Variants in PNN observed in about 807,000 individuals in gnomAD.
The protein encoded by PNN is pinin.
Under a neutral mutation model 76.6 loss-of-function variants are expected in PNN, and 38 were observed. That is an observed-to-expected ratio of 0.50 (90% CI 0.38 to 0.65). The LOEUF is 0.65. Ranked by LOEUF, PNN falls within the 30% of genes least tolerant of loss-of-function variation. PNN has a pLI of 0.00. For synonymous variants in PNN, 366 were observed against 283.7 expected (o/e 1.29, Z -2.91); for missense variants, 873 against 874.1 (o/e 1.00, Z 0.02).
Position 39,175,362 on chromosome 14 carries a change from A to G in PNN, c.83A>G (p.Lys28Arg). 6.2e-7 allele frequency: 1 copy of G among 1,612,200 alleles called. No homozygotes were observed. Among genetic ancestry groups the G allele is most frequent in the Non-Finnish European group, 8.5e-7 (1 of 1,178,594 alleles). The change falls in exon 1 of 9, where the codon AAG becomes AGG. Residue 28 changes from lysine to arginine, a missense_variant. Physicochemically the swap from Lys to Arg is conservative, Grantham distance 26 (BLOSUM62 2). Around this residue, in one of 3 missense-constraint regions of PNN, gnomAD observed 156 missense variants for 161.7 expected, o/e 0.96. Coordinates refer to ENST00000216832, the MANE Select transcript of PNN (RefSeq NM_002687.4). ...AAGAACGTGGATGAGAACATTCGCA[A>G]GCTCACCGGGCGGGATCCGAATGAC... Reference protein sequence around the residue: ...SLKNVDENIRKLTGRDPNDVR... With the variant: ...SLKNVDENIRRLTGRDPNDVR...
rs1156948980 is a variant in PNN at position 39,175,996 on chromosome 14, A to G, written c.114-82A>G. 3 of 746,856 alleles carry G rather than the reference A, an allele frequency of 4.0e-6. No individual in the cohort carries two copies. In the Middle Eastern group the frequency reaches 7.0e-4, roughly 175 times the overall value. The allele number at this position is 746,856 out of a possible 1,614,324, so 46.3% of individuals were successfully genotyped here. On this transcript the variant is annotated intron_variant, in intron 1 of 8. Transcript: ENST00000216832. Reference sequence around the variant, plus strand: ...GGAACTTTTGTGATTTTTTCTCCTTATGATCCACATCTCTGAAAGTATTTG... The same window carrying G: ...GGAACTTTTGTGATTTTTTCTCCTTGTGATCCACATCTCTGAAAGTATTTG...
In PNN at chr14:39,181,299, T is replaced by G. The variant is rs1401078846; in HGVS notation, c.1590T>G (p.Phe530Leu). 1 of 1,614,170 alleles carries G rather than the reference T, an allele frequency of 6.2e-7. No homozygotes were observed. The highest frequency in any genetic ancestry group is 1.1e-5 in the South Asian group (1 of 91,078). ...ATTTACTACCTGAGAGGAAGGATTT[T>G]CCTGTAGAGTCTGTAAAACTCACTG... ...QGHLLPERKD[F>L]PVESVKLTEV... Residue 530 changes from phenylalanine (F) to leucine (L), a missense_variant, in exon 9 of 9, where the codon TTT (phenylalanine) becomes TTG (leucine). Phe to Leu is a conservative substitution (Grantham distance 22). Transcript: ENST00000216832.
intron 3 of PNN, among the ~76,000 whole-genome samples, 168 bp downstream of exon 3, chr14:39,176,763 G>C (rs770668288): frequency 6.6e-6 from 1 of 152,076 alleles, no homozygotes; most frequent in African/African-American, 2.4e-5. Flanking sequence ...TTGACTATCA[G>C]TTCCCTCAAA....
chr14:39,177,304 T>G, intron 3 of PNN, 108 bp from the exon 4 acceptor site: 1 of 814,162 alleles, frequency 1.2e-6, no homozygotes, highest in Non-Finnish European at 2.0e-6. Flanking sequence ...GAGGATCACT[T>G]GAGCCTGGGA....
At position 39,177,634 on chromosome 14, in the gene PNN, C is replaced by T. The variant is rs781295686; in HGVS notation, c.369C>T (p.Arg123=). The T allele has an allele frequency of 6.2e-7, 1 of 1,613,824 alleles. No homozygotes were observed. Among genetic ancestry groups the T allele is most frequent in the Non-Finnish European group, 8.5e-7 (1 of 1,179,746 alleles). The change falls in exon 5 of 9, where the codon CGC becomes CGT. Residue 123 remains arginine, a synonymous_variant. Coordinates refer to ENST00000216832, the MANE Select transcript of PNN (RefSeq NM_002687.4). The stretch of plus-strand genomic sequence containing the variant: ...CAGTTGTAGCTACCTCCAAAGAGCG[C>T]ACACGTAGAGACCTTATCCAGGATC... ...QSSVVATSKE[R]TRRDLIQDQN... is the part of the protein sequence containing the mutation.
rs1566559703 is a variant in PNN, at chr14:39,181,583, C to G, written c.1874C>G (p.Thr625Ser). The G allele has an allele frequency of 6.2e-7, 1 of 1,613,206 alleles. No individual in the cohort carries two copies. Among genetic ancestry groups the G allele is most frequent in the South Asian group, 1.1e-5 (1 of 91,070 alleles). ...GSSSRDSSSS[T>S]SSSSESRSRS... is the part of the protein sequence containing the mutation. ...AGCAGCAGAGATAGTAGCAGTAGCACTAGTAGTAGTAGTGAGAGTAGAAGT... is the reference window on the plus strand; with the variant it reads ...AGCAGCAGAGATAGTAGCAGTAGCAGTAGTAGTAGTAGTGAGAGTAGAAGT... Residue 625 changes from threonine (T) to serine (S), a missense_variant, in exon 9 of 9, where the codon ACT (threonine) becomes AGT (serine). Coordinates refer to ENST00000216832, the MANE Select transcript of PNN (RefSeq NM_002687.4).
At chr14:39,176,417 G>C (rs183414573) in intron 2 of PNN, 110 bp from the exon 3 acceptor site, 17 of 814,972 alleles carry the variant, frequency 2.1e-5, no homozygotes, top group Non-Finnish European at 3.1e-5. Flanking sequence ...CCCGTTTAAG[G>C]CTACTTTAGT....
intron 6 of PNN, 168 bp from the exon 7 acceptor site, chr14:39,178,923 T>A: frequency 6.7e-6 from 4 of 600,750 alleles, no homozygotes; most frequent in Non-Finnish European, 1.1e-5. Context: ...GTGTTTTTAG[T>A]AGAGATGGTG....
Position 39,181,287 on chromosome 14 carries a change from G to A in PNN, c.1578G>A (p.Glu526=), listed in dbSNP as rs774208638. ...VTQEQGHLLP[E]RKDFPVESVK... is the part of the protein sequence containing the mutation. ...AGGAGCAAGGGCATTTACTACCTGAGAGGAAGGATTTTCCTGTAGAGTCTG... is the reference window on the plus strand; with the variant it reads ...AGGAGCAAGGGCATTTACTACCTGAAAGGAAGGATTTTCCTGTAGAGTCTG... Residue 526 remains glutamate, a synonymous_variant, in exon 9 of 9, where the codon GAG becomes GAA. Transcript: ENST00000216832. 1 of 1,614,128 alleles carries A rather than the reference G, an allele frequency of 6.2e-7. No individual in the cohort carries two copies. Among genetic ancestry groups the A allele is most frequent in the Non-Finnish European group, 8.5e-7 (1 of 1,179,986 alleles).
Position 39,181,606 on chromosome 14 carries a change from A to C in PNN, c.1897A>C (p.Ser633Arg). The change falls in exon 9 of 9, where the codon AGT (serine) becomes CGT (arginine). Residue 633 changes from serine to arginine, a missense_variant. Physicochemically the swap from Ser to Arg is moderately radical, Grantham distance 110. Around this residue, in one of 3 missense-constraint regions of PNN, gnomAD observed 712 missense variants for 693.1 expected, o/e 1.03. Coordinates refer to ENST00000216832, the MANE Select transcript of PNN (RefSeq NM_002687.4). ...SSTSSSSESR[S>R]RSRGRGHNRD... The stretch of plus-strand genomic sequence containing the variant: ...CACTAGTAGTAGTAGTGAGAGTAGA[A>C]GTCGGAGTAGGGGCCGGGGACATAA... 6.2e-7 allele frequency: 1 copy of C among 1,614,094 alleles called. No individual in the cohort carries two copies. Among genetic ancestry groups the C allele is most frequent in the South Asian group, 1.1e-5 (1 of 91,074 alleles).
At position 39,181,437 on chromosome 14, in the gene PNN, AAGCAGT is replaced by A; in HGVS notation, c.1741_1746del (p.Ser586_Ser587del). 3.1e-6 allele frequency: 5 copies of A among 1,613,982 alleles called. No homozygotes were observed. Among genetic ancestry groups the A allele is most frequent in the South Asian group, 1.1e-5 (1 of 91,072 alleles). ...ATAAAACAAGCAAGAGTAGAAGTCG[AAGCAGT>A]AGCAGTAGCAGTTCTAGTAGCAGTT... On this transcript the variant is annotated inframe_deletion, in exon 9 of 9. Transcript: ENST00000216832.
chr14:39,176,214 G>GTTCAAACC, intron 2 of PNN, 65 bp downstream of exon 2: 1 of 925,812 alleles, frequency 1.1e-6, no homozygotes, highest in Non-Finnish European at 1.8e-6. Context: ...ATGTTGGTTT[G>GTTCAAACC]AACAAAACCT....
In PNN at chr14:39,181,029, A is replaced by T. The variant is rs760362670; in HGVS notation, c.1320A>T (p.Lys440Asn). 1.9e-5 allele frequency: 31 copies of T among 1,612,570 alleles called. No individual in the cohort carries two copies. The highest frequency in any genetic ancestry group is 8.5e-7 in the Non-Finnish European group (1 of 1,179,134). ...EFEIEPDKEC[K>N]TLSPGKENVS... ...AAATTGAGCCAGATAAAGAATGTAAAACCCTTTCTCCTGGGAAAGAGAATG... is the reference window on the plus strand; with the variant it reads ...AAATTGAGCCAGATAAAGAATGTAATACCCTTTCTCCTGGGAAAGAGAATG... Residue 440 changes from lysine to asparagine, a missense_variant, in exon 9 of 9, where the codon AAA becomes AAT. Physicochemically the swap from Lys to Asn is moderately conservative, Grantham distance 94. This residue lies in a region of PNN where 712 missense variants were observed against 693.1 expected (regional missense o/e 1.03). Coordinates refer to ENST00000216832, the MANE Select transcript of PNN (RefSeq NM_002687.4).
Position 39,180,793 on chromosome 14 carries a change from A to G in PNN, c.1084A>G (p.Met362Val), listed in dbSNP as rs754649326. The G allele has an allele frequency of 2.5e-6, 4 of 1,611,908 alleles. No individual in the cohort carries two copies. Among genetic ancestry groups the G allele is most frequent in the South Asian group, 1.1e-5 (1 of 90,810 alleles). The change falls in exon 9 of 9, where the codon ATG becomes GTG. Residue 362 changes from methionine to valine, a missense_variant. By Grantham distance (21) the Met-to-Val change is conservative (BLOSUM62 1). This residue lies in a region of PNN where 712 missense variants were observed against 693.1 expected (regional missense o/e 1.03). Transcript: ENST00000216832. ...EQEEEEQKQE[M>V]EVKMEEETEV... is the part of the protein sequence containing the mutation. The stretch of plus-strand genomic sequence containing the variant: ...GGAGGAGGAAGAACAAAAACAGGAA[A>G]TGGAGGTTAAGATGGAGGAGGAAAC...
rs1479184055 is a variant in PNN at position 39,176,368 on chromosome 14, C to A, written c.186-159C>A. On this transcript the variant is annotated intron_variant, in intron 2 of 8. Transcript: ENST00000216832. Reference sequence around the variant, plus strand: ...TTACCAATTTTGAGTGAACTTAATTCTTATAAAGTAACACTATAAAAGCAT... The same window carrying A: ...TTACCAATTTTGAGTGAACTTAATTATTATAAAGTAACACTATAAAAGCAT... 15 of 648,776 alleles carry A rather than the reference C, an allele frequency of 2.3e-5. No homozygotes were observed. In the East Asian group the frequency reaches 3.9e-4, roughly 17 times the overall value. The allele number at this position is 648,776 out of a possible 1,614,324, so 40.2% of individuals were successfully genotyped here. A position where few individuals can be genotyped will look rare whatever the true frequency, so the allele number is the denominator to read the frequency against.
chr14:39,176,642 AC>A, intron 3 of PNN, 47 bp downstream of exon 3: 1 of 1,085,650 alleles, frequency 9.2e-7, no homozygotes, highest in Non-Finnish European at 1.4e-6. Context: ...TTTCTGAGGT[AC>A]CACACAAATA....
At position 39,181,670 on chromosome 14, in the gene PNN, G is replaced by C; in HGVS notation, c.1961G>C (p.Arg654Thr). Residue 654 changes from arginine (R) to threonine (T), a missense_variant, in exon 9 of 9, where the codon AGA becomes ACA. This residue lies in a region of PNN where 712 missense variants were observed against 693.1 expected (regional missense o/e 1.03). Coordinates refer to ENST00000216832, the MANE Select transcript of PNN (RefSeq NM_002687.4). ...CACAGAAGGAGCGTGGATCGGAAGAGAAGGGATACTTCAGGACTAGAAAGA... is the reference window on the plus strand; with the variant it reads ...CACAGAAGGAGCGTGGATCGGAAGACAAGGGATACTTCAGGACTAGAAAGA... ...RKHRRSVDRK[R>T]RDTSGLERSH... 2.5e-6 allele frequency: 4 copies of C among 1,614,094 alleles called. No homozygotes were observed. The highest frequency in any genetic ancestry group is 1.3e-5 in the African/African-American group (1 of 75,056).
intron 4 of PNN, 25 bp downstream of exon 4, chr14:39,177,509 T>C: frequency 6.2e-7 from 1 of 1,604,356 alleles, no homozygotes; most frequent in Non-Finnish European, 8.5e-7. Flanking sequence ...AGAACTTAAA[T>C]GAATGTAGTA....
intron 3 of PNN, among the ~76,000 whole-genome samples, chr14:39,176,971 G>T (rs1276379445): frequency 1.3e-5 from 2 of 152,202 alleles, no homozygotes; most frequent in Non-Finnish European, 2.9e-5. Context: ...TCCTTTCTCT[G>T]CTGGAGGAAA....
Sources: allele counts gnomAD v4.1 joint callset (sites outside exome capture counted in the v4.1 genomes callset), GRCh38; gene constraint gnomAD v4.1.1; regional missense constraint gnomAD v4.1.1; transcripts MANE v1.5; gene names NCBI Gene and HGNC (gene_info 2026-07-23, HGNC 2026-07-21).